Variants in OR2L5 observed in about 807,000 individuals in gnomAD.
OR2L5 encodes the protein olfactory receptor 2L5.
For missense variants in OR2L5, 413 were observed against 381.6 expected (o/e 1.08, Z -0.69); for synonymous variants, 169 against 142.0 (o/e 1.19, Z -1.35).
rs564479760 is a variant in OR2L5 at position 248,022,247 on chromosome 1, TTTC to T, written c.307_309del (p.Phe103del). On this transcript the variant is annotated inframe_deletion, in exon 2 of 2. Coordinates refer to ENST00000355281, the MANE Select transcript of OR2L5 (RefSeq NM_001258284.2). ...CCTTCATTGGGTGTGGGATTCAGAGTTTCTTCTTCATGACTTTTGCAGGTGCAG... is the reference window on the plus strand; with the variant it reads ...CCTTCATTGGGTGTGGGATTCAGAGTTTCTTCATGACTTTTGCAGGTGCAG... 235 of 1,614,052 alleles carry T rather than the reference TTTC, an allele frequency of 1.5e-4. No individual in the cohort carries two copies. The African/African-American group carries it at 1.7e-3, about 12-fold the overall frequency.
chr1:248,017,741 T>C (rs937462914), intron 1 of OR2L5, among the ~76,000 whole-genome samples: 16 of 152,102 alleles, frequency 1.1e-4, no homozygotes, highest in African/African-American at 3.9e-4. Context: ...GGGTTGTAAA[T>C]TGAGACAGTC....
intron 1 of OR2L5, among the ~76,000 whole-genome samples, chr1:248,015,317 G>A (rs998473679): frequency 1.3e-5 from 2 of 152,162 alleles, no homozygotes; most frequent in Non-Finnish European, 2.9e-5. Flanking sequence ...GGAATCTCCT[G>A]TAGGATTCCA....
chr1:248,020,743 G>A (rs933123275), intron 1 of OR2L5, among the ~76,000 whole-genome samples: 2 of 151,684 alleles, frequency 1.3e-5, no homozygotes, highest in African/African-American at 4.8e-5. Context: ...CTTAGAGAAA[G>A]TTTGACTTGG....
Position 248,022,109 on chromosome 1 carries a change from C to G in OR2L5, c.162C>G (p.Leu54=), listed in dbSNP as rs773207653. The G allele has an allele frequency of 5.0e-6, 8 of 1,613,822 alleles. No individual in the cohort carries two copies. In the African/African-American group the frequency reaches 9.3e-5, roughly 19 times the overall value. Residue 54 remains leucine, a synonymous_variant, in exon 2 of 2, where the codon CTC becomes CTG. Coordinates refer to ENST00000355281, the MANE Select transcript of OR2L5 (RefSeq NM_001258284.2). The part of the protein sequence containing the change: ...MILLIFLDTH[L]HTPMYFLLSQ... ...TTCTCATCTTCTTGGACACCCATCT[C>G]CACACACCCATGTATTTCCTGCTTA...
chr1:248,020,717 A>G (rs1419788524), intron 1 of OR2L5, among the ~76,000 whole-genome samples: 1 of 152,124 alleles, frequency 6.6e-6, no homozygotes, highest in East Asian at 1.9e-4. Flanking sequence ...TAGAAGAACC[A>G]AATAATGATG....
chr1:248,013,974 A>G (rs779450973), intron 1 of OR2L5, among the ~76,000 whole-genome samples: 99 of 152,166 alleles, frequency 6.5e-4, no homozygotes, highest in Admixed American at 2.3e-3. Context: ...ATGATGATCA[A>G]TGGAAGAGAT....
At chr1:248,019,954 A>T (rs1004746534) in intron 1 of OR2L5, among the ~76,000 whole-genome samples, 5 of 151,938 alleles carry the variant, frequency 3.3e-5, no homozygotes, top group African/African-American at 7.3e-5. Context: ...CCCCTGGCTA[A>T]TTTTTGTATT....
At chr1:248,018,022 G>T (rs971031131) in intron 1 of OR2L5, among the ~76,000 whole-genome samples, 7 of 151,990 alleles carry the variant, frequency 4.6e-5, no homozygotes, top group Non-Finnish European at 1.0e-4. Context: ...TGGCGTGGTG[G>T]TGGGCCCCTG....
chr1:248,021,824 A>G (rs1662341806), intron 1 of OR2L5, 103 bp from the exon 2 acceptor site: 2 of 673,858 alleles, frequency 3.0e-6, no homozygotes, highest in African/African-American at 1.8e-5. Flanking sequence ...TATAGGGTTC[A>G]GTGTCAACTG....
chr1:248,024,220 G>T lies in OR2L5; in HGVS notation c.*1334G>T, dbSNP rs545128697. ...TAATGCTCTCCCTCCCCTTGCCCAA[G>T]AATTTGTAATGATAGCCATTAAAAT... On this transcript the variant is annotated 3_prime_UTR_variant, in exon 2 of 2. Coordinates refer to ENST00000355281, the MANE Select transcript of OR2L5 (RefSeq NM_001258284.2). The T allele has an allele frequency of 1.3e-5, 2 of 151,950 alleles. No individual in the cohort carries two copies. The highest frequency in any genetic ancestry group is 4.8e-5 in the African/African-American group (2 of 41,420). The allele number at this position is 151,950 out of a possible 1,614,324, so 9.4% of individuals were successfully genotyped here.
intron 1 of OR2L5, among the ~76,000 whole-genome samples, chr1:248,020,469 A>G (rs997239080): frequency 6.6e-6 from 1 of 152,176 alleles, no homozygotes; most frequent in Non-Finnish European, 1.5e-5. Flanking sequence ...AAGCAAAGAC[A>G]CAGAATACAC....
At position 248,022,528 on chromosome 1, in the gene OR2L5, A is replaced by G. The variant is rs755936031; in HGVS notation, c.581A>G (p.Tyr194Cys). ...LTLACTDTWV[Y>C]EYTVFLSSTI... ...TTAGCCTGTACAGACACCTGGGTCTATGAGTACACAGTGTTTTTGAGCAGC... is the reference window on the plus strand; with the variant it reads ...TTAGCCTGTACAGACACCTGGGTCTGTGAGTACACAGTGTTTTTGAGCAGC... The change falls in exon 2 of 2, where the codon TAT becomes TGT. Residue 194 changes from tyrosine (Y) to cysteine (C), a missense_variant. Physicochemically the swap from Tyr to Cys is radical, Grantham distance 194. Transcript: ENST00000355281. 1.5e-5 allele frequency: 24 copies of G among 1,614,052 alleles called. No homozygotes were observed. The highest frequency in any genetic ancestry group is 1.9e-5 in the Non-Finnish European group (23 of 1,180,028).
intron 1 of OR2L5, among the ~76,000 whole-genome samples, chr1:248,017,677 C>T (rs1046529896): frequency 4.3e-4 from 65 of 152,084 alleles, no homozygotes; most frequent in African/African-American, 1.5e-3. Flanking sequence ...CAGTGATTTT[C>T]TTCTGATGTC....
At position 248,022,957 on chromosome 1, in the gene OR2L5, A is replaced by T. The variant is rs1273602140; in HGVS notation, c.*71A>T. On this transcript the variant is annotated 3_prime_UTR_variant, in exon 2 of 2. Transcript: ENST00000355281. ...CAGCAGTGTACAGCAGTGAAGAAAA[A>T]CATTATTACATGCCCAGTATGTCAA... is the stretch of plus-strand genomic sequence containing the variant. 1.2e-5 allele frequency: 16 copies of T among 1,316,798 alleles called. No individual in the cohort carries two copies. 81.6% of individuals were successfully genotyped at this position (1,316,798 alleles called of 1,614,324 possible). A position where few individuals can be genotyped will look rare whatever the true frequency, so the allele number is the denominator to read the frequency against.
chr1:248,017,291 CCT>C (rs1365345789), intron 1 of OR2L5, among the ~76,000 whole-genome samples: 1 of 152,152 alleles, frequency 6.6e-6, no homozygotes, highest in Non-Finnish European at 1.5e-5. Context: ...AAAAAAATGT[CCT>C]CTTCACATTA....
In OR2L5 at chr1:248,023,039, T is replaced by C. The variant is rs1662387225; in HGVS notation, c.*153T>C. 1.5e-6 allele frequency: 1 copy of C among 675,920 alleles called. No individual in the cohort carries two copies. Among genetic ancestry groups the C allele is most frequent in the Admixed American group, 3.3e-5 (1 of 29,852 alleles). The allele number at this position is 675,920 out of a possible 1,614,324, so 41.9% of individuals were successfully genotyped here. A position where few individuals can be genotyped will look rare whatever the true frequency, so the allele number is the denominator to read the frequency against. ...ATTTAGTCTTGACATTATAGTTGCA[T>C]ATTCTAAGACATCTATTTTGTTTCT... On this transcript the variant is annotated 3_prime_UTR_variant, in exon 2 of 2. Transcript: ENST00000355281.
Position 248,022,267 on chromosome 1 carries a change from C to A in OR2L5, c.320C>A (p.Ala107Glu). ...GIQSFFFMTF[A>E]GAEALLLTSM... is the part of the protein sequence containing the mutation. ...CAGAGTTTCTTCTTCATGACTTTTG[C>A]AGGTGCAGAAGCGCTGCTCCTGACA... is the stretch of plus-strand genomic sequence containing the variant. The change falls in exon 2 of 2, where the codon GCA (alanine) becomes GAA (glutamate). Residue 107 changes from alanine (A) to glutamate (E), a missense_variant. Coordinates refer to ENST00000355281, the MANE Select transcript of OR2L5 (RefSeq NM_001258284.2). The A allele has an allele frequency of 6.2e-7, 1 of 1,614,158 alleles. No homozygotes were observed.
At chr1:248,021,417 C>T (rs1007587398) in intron 1 of OR2L5, among the ~76,000 whole-genome samples, 4 of 152,092 alleles carry the variant, frequency 2.6e-5, no homozygotes, top group African/African-American at 9.7e-5. Flanking sequence ...CCCTCTTATC[C>T]ACTGTTTTGC....
chr1:248,015,692 T>G (rs1662180652), intron 1 of OR2L5, among the ~76,000 whole-genome samples: 1 of 152,150 alleles, frequency 6.6e-6, no homozygotes, highest in Admixed American at 6.6e-5. Context: ...TGGCTTGGAT[T>G]TTGGAGGCTT....
Sources: gnomAD v4.1 joint callset for allele counts (sites outside exome capture counted in the v4.1 genomes callset) on GRCh38, gnomAD v4.1.1 for gene constraint, MANE v1.5 for transcripts, NCBI Gene and HGNC (gene_info 2026-07-23, HGNC 2026-07-21) for gene names.